Variants in IBTK observed in about 807,000 individuals in gnomAD.
IBTK encodes the protein inhibitor of Bruton tyrosine kinase, also known as BTK-binding protein.
IBTK carries 83 observed loss-of-function variants against 154.9 expected under a neutral mutation model. That is an observed-to-expected ratio of 0.54 (90% confidence interval 0.45 to 0.64). The LOEUF (loss-of-function observed/expected upper bound fraction) is 0.64, where lower values mean the gene tolerates loss of function less well. Ranked by LOEUF, IBTK falls within the 30% of genes least tolerant of loss-of-function variation. The probability of loss-of-function intolerance (pLI) is 0.00; values close to 1 mark genes in which losing one functional copy is unlikely to be tolerated. For synonymous variants in IBTK, 515 were observed against 536.1 expected (o/e 0.96, Z 0.54); for missense variants, 1,332 against 1,584.6 (o/e 0.84, Z 2.71).
At chr6:82,187,758 G>A (rs955993016) in intron 25 of IBTK, among the ~76,000 whole-genome samples, 12 of 152,134 alleles carry the variant, frequency 7.9e-5, no homozygotes, top group Non-Finnish European at 1.8e-4. Flanking sequence ...GTTTATTTAA[G>A]GAGGGGCTGA....
chr6:82,179,147 T>C (rs1197424255), intron 26 of IBTK, among the ~76,000 whole-genome samples: 1 of 152,138 alleles, frequency 6.6e-6, no homozygotes, highest in East Asian at 1.9e-4. Context: ...GGAGATAAAA[T>C]TTAGTATATG....
At chr6:82,172,299 C>CA (rs1767949694) in intron 28 of IBTK, 81 bp downstream of exon 28, 2 of 1,436,050 alleles carry the variant, frequency 1.4e-6, no homozygotes, top group Non-Finnish European at 1.9e-6. Flanking sequence ...CTGTCCAAAA[C>CA]AAACAAACAC....
At chr6:82,226,260 T>C (rs1770294722) in intron 5 of IBTK, among the ~76,000 whole-genome samples, 2 of 152,150 alleles carry the variant, frequency 1.3e-5, no homozygotes, top group South Asian at 4.1e-4. Flanking sequence ...ATATTATATA[T>C]GAAAAGCATA....
chr6:82,197,317 T>C (rs988976829), intron 21 of IBTK, among the ~76,000 whole-genome samples: 1 of 152,112 alleles, frequency 6.6e-6, no homozygotes, highest in African/African-American at 2.4e-5. Flanking sequence ...TTTATTGTTA[T>C]CACTACAATT....
At chr6:82,186,150 C>G (rs1319217725) in intron 25 of IBTK, among the ~76,000 whole-genome samples, 2 of 152,152 alleles carry the variant, frequency 1.3e-5, no homozygotes, top group Non-Finnish European at 2.9e-5. Flanking sequence ...CTGACTGTTA[C>G]ACCAATTGGC....
At chr6:82,171,662 T>G in intron 28 of IBTK, 106 bp from the exon 29 acceptor site, 7 of 866,188 alleles carry the variant, frequency 8.1e-6, no homozygotes, top group Non-Finnish European at 1.1e-5. Context: ...TTTCCATGGA[T>G]ACAATACAGT....
intron 5 of IBTK, 78 bp downstream of exon 5, chr6:82,227,114 A>C: frequency 1.0e-6 from 1 of 971,662 alleles, no homozygotes; most frequent in Non-Finnish European, 1.6e-6. Flanking sequence ...GTTGAAAAAA[A>C]AATTTAGTTA....
rs1582271727 is a variant in IBTK at position 82,247,741 on chromosome 6, G to A, written c.-537C>T. ...CCGCTACTACAGGAATCGGGAACGG[G>A]GATGTAGAGGAAGGGCCCGAGCGGG... On this transcript the variant is annotated 5_prime_UTR_variant, in exon 1 of 29. Coordinates refer to ENST00000306270, the MANE Select transcript of IBTK (RefSeq NM_015525.4). 1 of 397,784 alleles carries A rather than the reference G, an allele frequency of 2.5e-6. No individual in the cohort carries two copies. The highest frequency in any genetic ancestry group is 4.4e-6 in the Non-Finnish European group (1 of 225,824). The allele number at this position is 397,784 out of a possible 1,614,324, so 24.6% of individuals were successfully genotyped here.
rs144832683 is a variant in IBTK, at chr6:82,200,218, T to C, written c.2948A>G (p.Lys983Arg). Residue 983 changes from lysine to arginine, a missense_variant, in exon 21 of 29, where the codon AAA becomes AGA. Around this residue, in one of 3 missense-constraint regions of IBTK, gnomAD observed 1,134 missense variants for 1,274.7 expected, o/e 0.89. Transcript: ENST00000306270. ...TMFKKAKTKAKKKPRKRSDSS... is the reference protein window; with the variant it reads ...TMFKKAKTKARKKPRKRSDSS... ...ATCTGAACGTTTACGTGGCTTCTTT[T>C]TAGCTTTTGTTTTTGCTTTCTTGAA... 1 of 1,613,834 alleles carries C rather than the reference T, an allele frequency of 6.2e-7. No individual in the cohort carries two copies. Among genetic ancestry groups the C allele is most frequent in the African/African-American group, 1.3e-5 (1 of 75,038 alleles).
At chr6:82,215,796 A>G (rs1362445928) in intron 11 of IBTK, among the ~76,000 whole-genome samples, 1 of 151,690 alleles carries the variant, frequency 6.6e-6, no homozygotes, top group East Asian at 1.9e-4. Flanking sequence ...AAAAAAAAAA[A>G]AAAAGAAAGA....
Position 82,240,343 on chromosome 6 carries a change from CT to C in IBTK, c.143del (p.Lys48ArgfsTer21). On this transcript the variant is annotated frameshift_variant, in exon 2 of 29. Coordinates refer to ENST00000306270, the MANE Select transcript of IBTK (RefSeq NM_015525.4). LOFTEE classifies it high-confidence loss of function. Reference sequence around the variant, plus strand: ...GGAGGGCATTCCTGCCAAAAACATCCTTGATAGTTGCAGCATTGTAACAATG... The same window carrying C: ...GGAGGGCATTCCTGCCAAAAACATCCTGATAGTTGCAGCATTGTAACAATG... The part of the protein sequence containing the change: ...SSHCYNAATI[K>X]DVFGRNALHL... 1 of 1,614,186 alleles carries C rather than the reference CT, an allele frequency of 6.2e-7. No individual in the cohort carries two copies. The highest frequency in any genetic ancestry group is 8.5e-7 in the Non-Finnish European group (1 of 1,180,030).
chr6:82,223,368 T>C, intron 8 of IBTK, 72 bp downstream of exon 8: 1 of 1,237,560 alleles, frequency 8.1e-7, no homozygotes, highest in Non-Finnish European at 1.1e-6. Context: ...AGCATAAAGC[T>C]AACACTCAGA....
chr6:82,171,328 G>T lies in IBTK; in HGVS notation c.*97C>A. On this transcript the variant is annotated 3_prime_UTR_variant, in exon 29 of 29. Transcript: ENST00000306270. ...ATTATATCTTTTCTTAATCTATTTAGAATGATATTACAAAATCTCTAAGAC... is the reference window on the plus strand; with the variant it reads ...ATTATATCTTTTCTTAATCTATTTATAATGATATTACAAAATCTCTAAGAC... 2.1e-6 allele frequency: 2 copies of T among 933,748 alleles called. No homozygotes were observed. Among genetic ancestry groups the T allele is most frequent in the Non-Finnish European group, 3.2e-6 (2 of 617,768 alleles). The allele number at this position is 933,748 out of a possible 1,614,324, so 57.8% of individuals were successfully genotyped here. A position where few individuals can be genotyped will look rare whatever the true frequency, so the allele number is the denominator to read the frequency against.
rs896586604 is a variant in IBTK at position 82,240,745 on chromosome 6, T to G, written c.-259A>C. ...TCATTTAAAAAAATTCCACAGTTTA[T>G]AAATTATTCCTGGAGTCAAGCACCA... On this transcript the variant is annotated 5_prime_UTR_variant, in exon 2 of 29. Transcript: ENST00000306270. The G allele has an allele frequency of 4.8e-5, 23 of 474,308 alleles. No homozygotes were observed. The highest frequency in any genetic ancestry group is 3.2e-4 in the African/African-American group (16 of 49,898). The allele number at this position is 474,308 out of a possible 1,614,324, so 29.4% of individuals were successfully genotyped here.
rs779322176 is a variant in IBTK, at chr6:82,218,116, T to G, written c.1270A>C (p.Asn424His). The G allele has an allele frequency of 1.7e-5, 27 of 1,575,264 alleles. No homozygotes were observed. Among genetic ancestry groups the G allele is most frequent in the Admixed American group, 1.9e-5 (1 of 51,836 alleles). ...CATCGACACTGCTTCAGAGAACTGT[T>G]GACTGATCTCCAGCAAAACACCTAA... is the stretch of plus-strand genomic sequence containing the variant. The part of the protein sequence containing the change: ...AGRVFCWRSV[N>H]SSLKQCRWAY... Residue 424 changes from asparagine to histidine, a missense_variant, in exon 10 of 29, where the codon AAC becomes CAC. Physicochemically the swap from Asn to His is moderately conservative, Grantham distance 68. Transcript: ENST00000306270.
At chr6:82,176,467 G>A (rs759843328) in intron 26 of IBTK, among the ~76,000 whole-genome samples, 4 of 150,238 alleles carry the variant, frequency 2.7e-5, no homozygotes, top group Non-Finnish European at 5.9e-5. Context: ...GTTGCAGTGA[G>A]CGGAGATCAC....
At chr6:82,225,861 A>G (rs1770277661) in intron 5 of IBTK, among the ~76,000 whole-genome samples, 1 of 152,216 alleles carries the variant, frequency 6.6e-6, no homozygotes, top group Admixed American at 6.5e-5. Flanking sequence ...GCCCAGTAAG[A>G]CATTCCAGTG....
intron 12 of IBTK, among the ~76,000 whole-genome samples, 184 bp from the exon 13 acceptor site, chr6:82,212,977 A>G (rs986847516): frequency 5.9e-5 from 9 of 152,204 alleles, no homozygotes; most frequent in African/African-American, 2.2e-4. Context: ...TAGAATTCAA[A>G]ATAGATTAAA....
chr6:82,238,101 G>A (rs1036710774), intron 2 of IBTK, among the ~76,000 whole-genome samples: 6 of 151,868 alleles, frequency 4.0e-5, no homozygotes, highest in African/African-American at 7.3e-5. Context: ...AAAATAAGCC[G>A]GGCACGGTGG....
Sources: gnomAD v4.1 joint callset for allele counts (sites outside exome capture counted in the v4.1 genomes callset) on GRCh38, gnomAD v4.1.1 for gene constraint, gnomAD v4.1.1 regional missense constraint, MANE v1.5 for transcripts, NCBI Gene and HGNC (gene_info 2026-07-23, HGNC 2026-07-21) for gene names.